The following SORCS2 variants were observed in gnomAD, a reference collection of about 807,000 sequenced individuals.
SORCS2 encodes the protein VPS10 domain-containing receptor SorCS2.
In SORCS2, 100 loss-of-function variants were observed where a neutral mutation model predicts 141.6. The ratio of observed to expected loss-of-function variants is 0.71; its 90% CI spans 0.60 to 0.83. The LOEUF (loss-of-function observed/expected upper bound fraction) is 0.83. Among genes scored for constraint, SORCS2 ranks in the 40% least tolerant of loss-of-function variants. SORCS2 has a pLI of 0.00. For missense variants in SORCS2, 1,646 were observed against 1,560.2 expected, an observed-to-expected ratio of 1.05 and a Z score of -0.93; for synonymous variants, 789 against 676.9, an observed-to-expected ratio of 1.17 and a Z score of -2.57.
intron 1 of SORCS2, among the ~76,000 whole-genome samples, chr4:7,210,123 T>C (rs188289377): frequency 1.3e-5 from 2 of 152,150 alleles, no homozygotes; most frequent in African/African-American, 4.8e-5. Flanking sequence ...TCAGAGGAGG[T>C]GGCATTCCCC....
chr4:7,737,440 C>T (rs912571637), intron 26 of SORCS2, among the ~76,000 whole-genome samples: 29 of 152,138 alleles, frequency 1.9e-4, no homozygotes, highest in African/African-American at 7.0e-4. Flanking sequence ...CCAAAAGCCC[C>T]CGACAGCCCC....
At chr4:7,691,202 G>T (rs1192933844) in intron 11 of SORCS2, among the ~76,000 whole-genome samples, 2 of 152,244 alleles carry the variant, frequency 1.3e-5, no homozygotes, top group Non-Finnish European at 2.9e-5. Context: ...TATGGATGTG[G>T]ACCCCAGACT....
intron 26 of SORCS2, among the ~76,000 whole-genome samples, chr4:7,739,893 C>G (rs74609077): frequency 0.059 from 8,930 of 152,278 alleles, 280 homozygotes; most frequent in Middle Eastern, 0.12. Flanking sequence ...TCTCGCACCC[C>G]CTTGCTGCCG....
At chr4:7,223,491 T>G (rs1241563811) in intron 1 of SORCS2, among the ~76,000 whole-genome samples, 2 of 152,254 alleles carry the variant, frequency 1.3e-5, no homozygotes, top group African/African-American at 2.4e-5. Context: ...ATAATTATGC[T>G]GATGTGCATT....
At chr4:7,668,374 CTT>C (rs1313807765) in intron 8 of SORCS2, among the ~76,000 whole-genome samples, 1 of 152,136 alleles carries the variant, frequency 6.6e-6, no homozygotes, top group African/African-American at 2.4e-5. Flanking sequence ...GGGAGGGACT[CTT>C]TATCCAAAGC....
At chr4:7,308,053 C>T (rs907302976) in intron 1 of SORCS2, among the ~76,000 whole-genome samples, 2 of 152,114 alleles carry the variant, frequency 1.3e-5, no homozygotes, top group African/African-American at 4.8e-5. Flanking sequence ...CTTTGGCTCC[C>T]TATGGACCCT....
At chr4:7,387,529 A>G (rs550520621) in intron 1 of SORCS2, among the ~76,000 whole-genome samples, 2 of 140,770 alleles carry the variant, frequency 1.4e-5, no homozygotes, top group African/African-American at 5.7e-5. Context: ...ATACATATGC[A>G]CACATGCACA....
At chr4:7,718,235 C>G in intron 18 of SORCS2, 52 bp downstream of exon 18, 1 of 1,574,310 alleles carries the variant, frequency 6.4e-7, no homozygotes, top group Admixed American at 1.8e-5. Flanking sequence ...AGGGGCGGCT[C>G]CAACTGGGCA....
chr4:7,613,852 A>G (rs1718578799), intron 3 of SORCS2, among the ~76,000 whole-genome samples: 1 of 151,782 alleles, frequency 6.6e-6, no homozygotes, highest in Non-Finnish European at 1.5e-5. Flanking sequence ...CTCATCCGCC[A>G]TCTACCCATA....
chr4:7,305,406 A>G (rs1717748276), intron 1 of SORCS2, among the ~76,000 whole-genome samples: 1 of 149,942 alleles, frequency 6.7e-6, no homozygotes, highest in African/African-American at 2.5e-5. Context: ...ATGGAATACA[A>G]TCCTGAGAAG....
intron 20 of SORCS2, among the ~76,000 whole-genome samples, chr4:7,726,102 T>A (rs1727202130): frequency 6.6e-6 from 1 of 152,250 alleles, no homozygotes; most frequent in Admixed American, 6.5e-5. Flanking sequence ...CGGCTGAGTG[T>A]GCACCATCCC....
intron 1 of SORCS2, among the ~76,000 whole-genome samples, chr4:7,352,036 A>T (rs1720973689): frequency 6.6e-6 from 1 of 151,918 alleles, no homozygotes; most frequent in Non-Finnish European, 1.5e-5. Context: ...CCATTTATCT[A>T]CCCGTCCACC....
At chr4:7,715,119 A>T in intron 16 of SORCS2, 64 bp from the exon 17 acceptor site, 1 of 1,594,806 alleles carries the variant, frequency 6.3e-7, no homozygotes, top group Non-Finnish European at 8.6e-7. Flanking sequence ...ATTTCACCCC[A>T]ACCCTGGGTG....
chr4:7,444,493 T>A (rs990812838), intron 2 of SORCS2, among the ~76,000 whole-genome samples: 15 of 152,182 alleles, frequency 9.9e-5, no homozygotes, highest in Non-Finnish European at 1.9e-4. Context: ...AAGGCCAGCC[T>A]GTGCAAAGGT....
chr4:7,668,267 C>T (rs751605495), intron 8 of SORCS2, among the ~76,000 whole-genome samples: 5 of 152,090 alleles, frequency 3.3e-5, no homozygotes, highest in African/African-American at 9.6e-5. Flanking sequence ...TGATGGAGGG[C>T]GTGTGTATGA....
intron 8 of SORCS2, among the ~76,000 whole-genome samples, chr4:7,674,932 G>A (rs1012546274): frequency 1.3e-5 from 2 of 152,320 alleles, no homozygotes; most frequent in East Asian, 1.9e-4. Flanking sequence ...GGTGGGGCCA[G>A]CCGGACCCTC....
intron 1 of SORCS2, among the ~76,000 whole-genome samples, chr4:7,340,650 C>T (rs149718993): frequency 5.5e-4 from 84 of 152,346 alleles, no homozygotes; most frequent in African/African-American, 1.8e-3. Flanking sequence ...CACGTGAGCA[C>T]GCTTGCACAC....
intron 1 of SORCS2, among the ~76,000 whole-genome samples, chr4:7,326,688 C>A (rs537209215): frequency 6.6e-6 from 1 of 152,344 alleles, no homozygotes; most frequent in South Asian, 2.1e-4. Flanking sequence ...GCCGCCAGGG[C>A]ATGATGTCCT....
intron 1 of SORCS2, among the ~76,000 whole-genome samples, chr4:7,292,832 G>A (rs1716701054): frequency 6.6e-6 from 1 of 152,244 alleles, no homozygotes; most frequent in Admixed American, 6.5e-5. Flanking sequence ...AACTTGGGCA[G>A]TGTGCTGAAT....
Sources: allele counts gnomAD v4.1 joint callset (sites outside exome capture counted in the v4.1 genomes callset), GRCh38; gene constraint gnomAD v4.1.1; transcripts MANE v1.5; gene names NCBI Gene and HGNC (gene_info 2026-07-23, HGNC 2026-07-21).